The following RNF6 variants were observed in gnomAD, a reference collection of about 807,000 sequenced individuals.
The protein encoded by RNF6 is E3 ubiquitin-protein ligase RNF6.
A neutral mutation model predicts 50.1 loss-of-function variants in RNF6; 21 were observed. The observed-to-expected ratio is 0.42, with a 90% CI of 0.30 to 0.60. The LOEUF (loss-of-function observed/expected upper bound fraction) is 0.60. Among genes scored for constraint, RNF6 ranks in the 20% least tolerant of loss-of-function variants. RNF6 has a pLI of 0.20. For synonymous variants in RNF6, 255 were observed against 291.8 expected, an observed-to-expected ratio of 0.87 and a Z score of 1.29; for missense variants, 698 against 838.2, an observed-to-expected ratio of 0.83 and a Z score of 2.07.
At chr13:26,188,853 C>T (rs1010225976) in intron 5 of RNF6, among the ~76,000 whole-genome samples, 4 of 151,774 alleles carry the variant, frequency 2.6e-5, no homozygotes, top group African/African-American at 9.7e-5. Flanking sequence ...TGGTCTCAAT[C>T]TCTTGACCTC....
intron 5 of RNF6, among the ~76,000 whole-genome samples, chr13:26,180,775 C>T (rs1310696929): frequency 6.6e-6 from 1 of 152,240 alleles, no homozygotes; most frequent in Non-Finnish European, 1.5e-5. Flanking sequence ...GGAGGAAATG[C>T]TCCAAATATC....
chr13:26,195,178 G>A (rs1047989649), intron 5 of RNF6, among the ~76,000 whole-genome samples: 12 of 152,222 alleles, frequency 7.9e-5, no homozygotes, highest in Non-Finnish European at 1.6e-4. Flanking sequence ...TGGAAGAACA[G>A]ATGGGCAATG....
At chr13:26,141,513 G>C (rs1402781314) in intron 5 of RNF6, among the ~76,000 whole-genome samples, 1 of 151,800 alleles carries the variant, frequency 6.6e-6, no homozygotes, top group South Asian at 2.1e-4. Context: ...AAACAGTGTG[G>C]TACTGGTACA....
chr13:26,207,954 T>C (rs1012794776), downstream of RNF6, among the ~76,000 whole-genome samples: 4 of 152,180 alleles, frequency 2.6e-5, no homozygotes, highest in Non-Finnish European at 4.4e-5. Flanking sequence ...TGAGAAGCCA[T>C]TGTGGGGAAG....
In RNF6 at chr13:26,214,114, G is replaced by A; in HGVS notation, c.1768C>T (p.His590Tyr). The A allele has an allele frequency of 1.2e-6, 2 of 1,614,150 alleles. No individual in the cohort carries two copies. The highest frequency in any genetic ancestry group is 8.5e-7 in the Non-Finnish European group (1 of 1,180,026). Reference protein sequence around the residue: ...TGTLPILRLAHFFLLNESDDD... With the variant: ...TGTLPILRLAYFFLLNESDDD... ...TCACTTTCATTTAGTAAAAAAAAGT[G>A]AGCAAGGCGAAGAATGGGTAGTGTT... The change falls in exon 5 of 5, where the codon CAC becomes TAC. Residue 590 changes from histidine to tyrosine, a missense_variant. By Grantham distance (83) the His-to-Tyr change is moderately conservative. Transcript: ENST00000381588.
intron 5 of RNF6, among the ~76,000 whole-genome samples, chr13:26,172,085 CAAT>C (rs1473734042): frequency 6.6e-5 from 10 of 152,040 alleles, no homozygotes; most frequent in Non-Finnish European, 1.3e-4. Context: ...TCTTTTACCA[CAAT>C]AAGATATATA....
intron 5 of RNF6, among the ~76,000 whole-genome samples, chr13:26,189,253 G>A (rs528420074): frequency 5.9e-5 from 9 of 152,140 alleles, no homozygotes; most frequent in East Asian, 3.9e-4. Context: ...GCTTGAACCC[G>A]GGAGGCGGAG....
At chr13:26,218,009 G>A (rs1290646181) in intron 4 of RNF6, among the ~76,000 whole-genome samples, 2 of 152,170 alleles carry the variant, frequency 1.3e-5, no homozygotes, top group African/African-American at 4.8e-5. Context: ...AAGTAGAACT[G>A]GTTAAGAGGA....
chr13:26,137,678 C>T (rs1451230124), intron 5 of RNF6, among the ~76,000 whole-genome samples: 1 of 148,184 alleles, frequency 6.7e-6, no homozygotes, highest in African/African-American at 2.5e-5. Context: ...CAAATAGAAA[C>T]TCTGGGGTTG....
intron 5 of RNF6, among the ~76,000 whole-genome samples, chr13:26,139,762 A>C (rs916860370): frequency 8.5e-5 from 13 of 152,130 alleles, no homozygotes; most frequent in Admixed American, 4.6e-4. Flanking sequence ...GGACTTGCAA[A>C]TATTTCCTTG....
rs1388024321 is a variant in RNF6 at position 26,137,651 on chromosome 13, T to A, written n.769-5200A>T. On this transcript the variant is annotated intron_variant and non_coding_transcript_variant, in intron 5 of 5. Transcript: ENST00000468480. Reference sequence around the variant, plus strand: ...AGAATATCAATAAAGAGATAGAAATTATAAAAAAAAAAAAAACAAATAGAA... The same window carrying A: ...AGAATATCAATAAAGAGATAGAAATAATAAAAAAAAAAAAAACAAATAGAA... 1.4e-4 allele frequency among the ~76,000 whole-genome samples: 8 copies of A among 57,962 alleles called. No individual in the cohort carries two copies. In the South Asian group the frequency reaches 1.7e-3, roughly 12 times the overall value. 38.0% of individuals were successfully genotyped at this position (57,962 alleles called of 152,430 possible).
chr13:26,204,700 A>C (rs564772115), intron 5 of RNF6, among the ~76,000 whole-genome samples: 1 of 152,156 alleles, frequency 6.6e-6, no homozygotes, highest in Non-Finnish European at 1.5e-5. Context: ...CATCACCTAA[A>C]TATAACACAT....
At chr13:26,174,611 G>A (rs522097) in intron 5 of RNF6, among the ~76,000 whole-genome samples, 19,156 of 151,742 alleles carry the variant, frequency 0.13, 1,586 homozygotes, top group East Asian at 0.21. Flanking sequence ...TCAAAAAAAA[G>A]AAAACAAACC....
chr13:26,159,621 T>A (rs1478054415), intron 5 of RNF6, among the ~76,000 whole-genome samples: 3 of 150,732 alleles, frequency 2.0e-5, no homozygotes, highest in Non-Finnish European at 4.4e-5. Context: ...TGAAACTCCA[T>A]CTCAAAAAAA....
intron 5 of RNF6, among the ~76,000 whole-genome samples, chr13:26,149,789 C>A (rs567466526): frequency 1.3e-5 from 2 of 149,868 alleles, no homozygotes; most frequent in East Asian, 3.9e-4. Flanking sequence ...ACTAATGCAA[C>A]CTCATCAGCC....
chr13:26,184,032 T>A (rs1380621709), intron 5 of RNF6, among the ~76,000 whole-genome samples: 251 of 124,258 alleles, frequency 2.0e-3, no homozygotes, highest in African/African-American at 6.9e-3. Flanking sequence ...TTTTTTTTTT[T>A]TTTTTTTTTT....
At chr13:26,150,837 A>G (rs754494926) in intron 5 of RNF6, 1 of 152,198 alleles carries the variant, frequency 6.6e-6, no homozygotes, top group Non-Finnish European at 1.5e-5. Context: ...TCAATGCCTG[A>G]AATCGTAAGA....
chr13:26,183,494 G>A (rs1376798537), intron 5 of RNF6, among the ~76,000 whole-genome samples: 1 of 152,166 alleles, frequency 6.6e-6, no homozygotes, highest in African/African-American at 2.4e-5. Flanking sequence ...TGTTTTATTT[G>A]TGAGATAGGA....
intron 5 of RNF6, among the ~76,000 whole-genome samples, chr13:26,189,095 G>A (rs1438910349): frequency 1.3e-5 from 2 of 152,044 alleles, no homozygotes; most frequent in Non-Finnish European, 2.9e-5. Flanking sequence ...TTGGGAGGCC[G>A]AGGCAGGTGG....
Sources: allele counts gnomAD v4.1 joint callset (sites outside exome capture counted in the v4.1 genomes callset), GRCh38; gene constraint gnomAD v4.1.1; transcripts MANE v1.5; gene names NCBI Gene and HGNC (gene_info 2026-07-23, HGNC 2026-07-21).